Variants in NARS2 observed in about 807,000 individuals in gnomAD.
NARS2 encodes the protein asparaginyl-tRNA synthetase.
In NARS2, 60 loss-of-function variants were observed where a neutral mutation model predicts 62.9. That is an observed-to-expected ratio of 0.95 (90% CI 0.77 to 1.18). The LOEUF (loss-of-function observed/expected upper bound fraction) is 1.18, where lower values mean the gene tolerates loss of function less well. Ranked by LOEUF, NARS2 falls within the 50% of genes most tolerant of loss-of-function variation. The probability of loss-of-function intolerance (pLI) is 0.00; values close to 1 mark genes in which losing one functional copy is unlikely to be tolerated. For missense variants in NARS2, 619 were observed against 576.4 expected, an observed-to-expected ratio of 1.07 and a Z score of -0.76; for synonymous variants, 196 against 200.0, an observed-to-expected ratio of 0.98 and a Z score of 0.17.
At chr11:78,436,922 C>G in intron 13 of NARS2, 108 bp from the exon 14 acceptor site, 2 of 1,120,008 alleles carry the variant, frequency 1.8e-6, no homozygotes, top group Non-Finnish European at 2.6e-6. Flanking sequence ...TTATTGTTTA[C>G]CTCACTGTGA....
At chr11:78,560,727 CTCTAAATTAGCAG>C (rs1856529725) in intron 4 of NARS2, among the ~76,000 whole-genome samples, 1 of 152,174 alleles carries the variant, frequency 6.6e-6, no homozygotes, top group African/African-American at 2.4e-5. Context: ...AATATTCAAG[CTCTAAATTAGCAG>C]TCTCAGAAAG....
At chr11:78,530,970 AT>A (rs1467740608) in intron 5 of NARS2, among the ~76,000 whole-genome samples, 4 of 152,150 alleles carry the variant, frequency 2.6e-5, no homozygotes, top group Non-Finnish European at 4.4e-5. Context: ...TATTATACTG[AT>A]TTTTTAAACT....
chr11:78,525,538 A>C (rs1298309377), intron 6 of NARS2, among the ~76,000 whole-genome samples: 1 of 152,152 alleles, frequency 6.6e-6, no homozygotes, highest in Non-Finnish European at 1.5e-5. Context: ...AACCCAAACT[A>C]TGAAATATAC....
chr11:78,441,530 G>A (rs924592882), intron 12 of NARS2, among the ~76,000 whole-genome samples: 5 of 152,090 alleles, frequency 3.3e-5, no homozygotes, highest in African/African-American at 1.2e-4. Context: ...GGCCAACATG[G>A]TGAAACCCCA....
At chr11:78,510,030 G>C (rs1187630628) in intron 6 of NARS2, among the ~76,000 whole-genome samples, 1 of 151,872 alleles carries the variant, frequency 6.6e-6, no homozygotes, top group Non-Finnish European at 1.5e-5. Context: ...TCCCTACAAA[G>C]AACCAACTAA....
At chr11:78,556,404 T>C (rs114488817) in intron 5 of NARS2, among the ~76,000 whole-genome samples, 1,638 of 152,284 alleles carry the variant, frequency 0.011, 33 homozygotes, top group African/African-American at 0.039. Context: ...CATGGAACTG[T>C]ATACAGTTGT....
Position 78,528,891 on chromosome 11 carries a change from G to A in NARS2, c.640C>T (p.Pro214Ser), listed in dbSNP as rs140016209. The change falls in exon 6 of 14, where the codon CCT (proline) becomes TCT (serine). Residue 214 changes from proline to serine, a missense_variant. Pro to Ser is a moderately conservative substitution (Grantham distance 74). Coordinates refer to ENST00000281038, the MANE Select transcript of NARS2 (RefSeq NM_024678.6). ...TGTCCTGAGACAGTTAAGAAAGCAG[G>A]AACATTGAAGAAATTCTCCTCAGGT... ...KVPEENFFNVPAFLTVSGQLH... is the reference protein window; with the variant it reads ...KVPEENFFNVSAFLTVSGQLH... The A allele has an allele frequency of 1.9e-6, 3 of 1,612,874 alleles. No individual in the cohort carries two copies. The highest frequency in any genetic ancestry group is 2.5e-6 in the Non-Finnish European group (3 of 1,179,470).
intron 6 of NARS2, among the ~76,000 whole-genome samples, chr11:78,502,674 A>G (rs1860326189): frequency 6.6e-6 from 1 of 152,058 alleles, no homozygotes; most frequent in Non-Finnish European, 1.5e-5. Flanking sequence ...TCTTATGTGT[A>G]TTTTGCCACA....
At chr11:78,537,304 C>T (rs142922768) in intron 5 of NARS2, among the ~76,000 whole-genome samples, 12 of 152,188 alleles carry the variant, frequency 7.9e-5, no homozygotes, top group African/African-American at 1.9e-4. Flanking sequence ...CTATCAATCT[C>T]GGCAAATGTG....
chr11:78,518,574 G>A (rs1860997925), intron 6 of NARS2, among the ~76,000 whole-genome samples: 1 of 151,792 alleles, frequency 6.6e-6, no homozygotes, highest in Non-Finnish European at 1.5e-5. Context: ...CCAGAGTGCA[G>A]TGGCGCAATC....
At chr11:78,544,686 C>T (rs1001011986) in intron 5 of NARS2, among the ~76,000 whole-genome samples, 108 of 150,254 alleles carry the variant, frequency 7.2e-4, no homozygotes, top group African/African-American at 2.4e-3. Flanking sequence ...CCCAGCTACT[C>T]GGGAGGCTGA....
At chr11:78,531,651 C>A (rs987396528) in intron 5 of NARS2, among the ~76,000 whole-genome samples, 1 of 152,118 alleles carries the variant, frequency 6.6e-6, no homozygotes, top group South Asian at 2.1e-4. Flanking sequence ...ATGATATATA[C>A]ATAGAATGGA....
At position 78,574,392 on chromosome 11, in the gene NARS2, C is replaced by A; in HGVS notation, c.97G>T (p.Ala33Ser). Residue 33 changes from alanine to serine, a missense_variant, in exon 1 of 14, where the codon GCT (alanine) becomes TCT (serine). Ala to Ser is a moderately conservative substitution (Grantham distance 99). Coordinates refer to ENST00000281038, the MANE Select transcript of NARS2 (RefSeq NM_024678.6). Reference protein sequence around the residue: ...KPSAKLSVRDALGAQNASGER... With the variant: ...KPSAKLSVRDSLGAQNASGER... ...CCACTCGCGTTCTGAGCCCCGAGAG[C>A]GTCCCGCACGCTCAGTTTGGCTGAA... is the stretch of plus-strand genomic sequence containing the variant. 6.2e-7 allele frequency: 1 copy of A among 1,614,212 alleles called. No homozygotes were observed. Among genetic ancestry groups the A allele is most frequent in the South Asian group, 1.1e-5 (1 of 91,082 alleles).
In NARS2 at chr11:78,574,710, A is replaced by T; in HGVS notation, c.-222T>A. 1.9e-6 allele frequency: 1 copy of T among 532,932 alleles called. No homozygotes were observed. The highest frequency in any genetic ancestry group is 3.3e-6 in the Non-Finnish European group (1 of 305,704). The allele number at this position is 532,932 out of a possible 1,614,324, so 33.0% of individuals were successfully genotyped here. On this transcript the variant is annotated 5_prime_UTR_variant, in exon 1 of 14. Transcript: ENST00000281038. ...TTCCCAACGGGGCGGAATGGACAGG[A>T]CACTAGGCAAACGCCAGAAAGAAAC...
At chr11:78,533,982 C>G (rs1247441058) in intron 5 of NARS2, among the ~76,000 whole-genome samples, 2 of 152,124 alleles carry the variant, frequency 1.3e-5, no homozygotes, top group Admixed American at 6.5e-5. Context: ...CTTGATAGCT[C>G]ATTTTTTTTC....
At chr11:78,562,727 A>C (rs1190347300) in intron 4 of NARS2, among the ~76,000 whole-genome samples, 1 of 152,258 alleles carries the variant, frequency 6.6e-6, no homozygotes, top group East Asian at 1.9e-4. Context: ...GCCAAGTTTT[A>C]GTACATAACA....
chr11:78,570,501 C>A (rs1466829196), intron 2 of NARS2, among the ~76,000 whole-genome samples: 1 of 152,136 alleles, frequency 6.6e-6, no homozygotes, highest in East Asian at 1.9e-4. Context: ...GATGCTCTAG[C>A]CTCAACCGCC....
chr11:78,553,494 G>A (rs1445127300), intron 5 of NARS2, among the ~76,000 whole-genome samples: 1 of 152,042 alleles, frequency 6.6e-6, no homozygotes, highest in Non-Finnish European at 1.5e-5. Context: ...TCACCATGTT[G>A]GCCAGGCTGG....
chr11:78,446,854 A>T (rs1857778620), intron 11 of NARS2, among the ~76,000 whole-genome samples: 1 of 152,160 alleles, frequency 6.6e-6, no homozygotes, highest in African/African-American at 2.4e-5. Flanking sequence ...AGACAGTATC[A>T]AACTAAAAAG....
Sources: allele counts gnomAD v4.1 joint callset (sites outside exome capture counted in the v4.1 genomes callset), GRCh38; gene constraint gnomAD v4.1.1; transcripts MANE v1.5; gene names NCBI Gene and HGNC (gene_info 2026-07-23, HGNC 2026-07-21).